Variants in GALNT15 observed in about 807,000 individuals in gnomAD.
GALNT15 encodes the protein polypeptide N-acetylgalactosaminyltransferase 15, also known as UDP-GalNAc transferase T15.
In GALNT15, 67 loss-of-function variants were observed where a neutral mutation model predicts 66.8. The ratio of observed to expected loss-of-function variants is 1.00; its 90% CI spans 0.82 to 1.23. GALNT15 has a LOEUF of 1.23. Ranked by LOEUF, GALNT15 falls within the 50% of genes most tolerant of loss-of-function variation. The pLI is 0.00. For synonymous variants in GALNT15, 313 were observed against 311.5 expected, an observed-to-expected ratio of 1.00 and a Z score of -0.05; for missense variants, 827 against 804.3, an observed-to-expected ratio of 1.03 and a Z score of -0.34.
chr3:16,216,359 C>T (rs1056646418), intron 6 of GALNT15, among the ~76,000 whole-genome samples: 18 of 152,030 alleles, frequency 1.2e-4, no homozygotes, highest in African/African-American at 4.3e-4. Context: ...ATTAGCTGGG[C>T]GTGGTGGTGT....
At chr3:16,206,199 G>A (rs977463944) in intron 3 of GALNT15, among the ~76,000 whole-genome samples, 9 of 151,842 alleles carry the variant, frequency 5.9e-5, no homozygotes, top group South Asian at 4.2e-4. Flanking sequence ...ACAACATGGC[G>A]AAATCCCATT....
At chr3:16,210,309 A>T (rs960731220) in intron 4 of GALNT15, among the ~76,000 whole-genome samples, 1 of 152,240 alleles carries the variant, frequency 6.6e-6, no homozygotes, top group Non-Finnish European at 1.5e-5. Context: ...AATAATCATT[A>T]CAATATCAGT....
rs754493057 is a variant in GALNT15, at chr3:16,208,565, C to G, written c.974C>G (p.Ser325Ter). Residue 325 changes from serine (S) to a stop codon, truncating the protein, a stop_gained, in exon 4 of 10, where the codon TCA (serine) becomes TGA (stop). Coordinates refer to ENST00000339732, the MANE Select transcript of GALNT15 (RefSeq NM_054110.5). LOFTEE classifies it high-confidence loss of function. ...TGGAAGACTTTCCAGTATTACCCCTCAAAGGACCTGCAGCGTGGGGTGTTG... is the reference window on the plus strand; with the variant it reads ...TGGAAGACTTTCCAGTATTACCCCTGAAAGGACCTGCAGCGTGGGGTGTTG... ...IDWKTFQYYP[S>*]KDLQRGVLDW... 8 of 1,614,066 alleles carry G rather than the reference C, an allele frequency of 5.0e-6. No individual in the cohort carries two copies. The Admixed American group carries it at 8.3e-5, about 17-fold the overall frequency.
rs1289615000 is a variant in GALNT15, at chr3:16,188,924, G to C, written c.540-6836G>C. Among the ~76,000 whole-genome samples, 1 of 151,958 alleles carries C rather than the reference G, an allele frequency of 6.6e-6. No homozygotes were observed. The highest frequency in any genetic ancestry group is 1.5e-5 in the Non-Finnish European group (1 of 67,976). On this transcript the variant is annotated intron_variant, in intron 1 of 9. Coordinates refer to ENST00000339732, the MANE Select transcript of GALNT15 (RefSeq NM_054110.5). This position sits in a 1 kb window ranked among gnomAD's most constrained non-coding sequence, Gnocchi z 4.6. ...CCTCATGATGACATGAGGAGCCCAG[G>C]GTTCCCAAACATGGGCGAGTAGGGC...
rs569789472 is a variant in GALNT15, at chr3:16,175,753, G to A, written c.539+63G>A. On this transcript the variant is annotated intron_variant, in intron 1 of 9. Coordinates refer to ENST00000339732, the MANE Select transcript of GALNT15 (RefSeq NM_054110.5). The surrounding 1 kb of genome is among the most constrained non-coding windows in gnomAD (Gnocchi z 5.6). ...GGCATGATCGGGTGGTAGCAAACTC[G>A]GGAATGCAAACTTTCCGTAGCCTGC... 24 of 1,445,094 alleles carry A rather than the reference G, an allele frequency of 1.7e-5. No individual in the cohort carries two copies. In the East Asian group the frequency reaches 3.7e-4, roughly 22 times the overall value. 89.5% of individuals were successfully genotyped at this position (1,445,094 alleles called of 1,614,324 possible).
rs1553686218 is a variant in GALNT15 at position 16,208,563 on chromosome 3, C to G, written c.972C>G (p.Pro324=). ...ACTGGAAGACTTTCCAGTATTACCC[C>G]TCAAAGGACCTGCAGCGTGGGGTGT... is the stretch of plus-strand genomic sequence containing the variant. ...VIDWKTFQYY[P]SKDLQRGVLD... Residue 324 remains proline, a synonymous_variant, in exon 4 of 10, where the codon CCC becomes CCG. Coordinates refer to ENST00000339732, the MANE Select transcript of GALNT15 (RefSeq NM_054110.5). 1.9e-6 allele frequency: 3 copies of G among 1,614,180 alleles called. No homozygotes were observed. The highest frequency in any genetic ancestry group is 2.2e-5 in the East Asian group (1 of 44,888).
At chr3:16,222,558 A>G in intron 8 of GALNT15, 57 bp from the exon 9 acceptor site, 1 of 1,604,858 alleles carries the variant, frequency 6.2e-7, no homozygotes, top group Non-Finnish European at 8.5e-7. Flanking sequence ...TACCTCCTCT[A>G]CAGCTTTGAA....
At position 16,219,887 on chromosome 3, in the gene GALNT15, CCT is replaced by C. The variant is rs1491479758; in HGVS notation, c.1525-22_1525-21del. 1 of 1,584,608 alleles carries C rather than the reference CCT, an allele frequency of 6.3e-7. No homozygotes were observed. Among genetic ancestry groups the C allele is most frequent in the Admixed American group, 1.7e-5 (1 of 60,002 alleles). ...TTTACAGTGGAATCTGGAATTCACT[CCT>C]GTGTGTGTGTCCACTTTCAGCTCCA... is the stretch of plus-strand genomic sequence containing the variant. On this transcript the variant is annotated intron_variant, in intron 7 of 9. Coordinates refer to ENST00000339732, the MANE Select transcript of GALNT15 (RefSeq NM_054110.5). This position sits in a 1 kb window ranked among gnomAD's most constrained non-coding sequence, Gnocchi z 4.3.
chr3:16,237,218 TC>T, the GALNT15 span, among the ~76,000 whole-genome samples: 2 of 152,160 alleles, frequency 1.3e-5, no homozygotes, highest in African/African-American at 2.4e-5. This position sits in a 1 kb window ranked among gnomAD's most constrained non-coding sequence, Gnocchi z 4.2. Flanking sequence ...GAAAGGGACT[TC>T]CAAAAGCAAG....
At position 16,175,783 on chromosome 3, in the gene GALNT15, C is replaced by G; in HGVS notation, c.539+93C>G. 2 of 1,174,516 alleles carry G rather than the reference C, an allele frequency of 1.7e-6. No individual in the cohort carries two copies. The highest frequency in any genetic ancestry group is 2.3e-6 in the Non-Finnish European group (2 of 853,812). The allele number at this position is 1,174,516 out of a possible 1,614,324, so 72.8% of individuals were successfully genotyped here. On this transcript the variant is annotated intron_variant, in intron 1 of 9. Coordinates refer to ENST00000339732, the MANE Select transcript of GALNT15 (RefSeq NM_054110.5). This position sits in a 1 kb window ranked among gnomAD's most constrained non-coding sequence, Gnocchi z 5.6. Reference sequence around the variant, plus strand: ...TGCAAACTTTCCGTAGCCTGCCTCTCCTGACTTAGAGCAAGTGCTTTTCAA... The same window carrying G: ...TGCAAACTTTCCGTAGCCTGCCTCTGCTGACTTAGAGCAAGTGCTTTTCAA...
At chr3:16,232,010 C>T, downstream of GALNT15, 1 of 1,427,742 alleles carries the variant, frequency 7.0e-7, no homozygotes, top group Middle Eastern at 2.6e-4. Flanking sequence ...TCTTTAAAGT[C>T]ATAACTTGCC....
chr3:16,219,346 G>A lies in GALNT15; in HGVS notation c.1393-57G>A. Reference sequence around the variant, plus strand: ...TCCCAGCCACTCCATCCCCAACCATGTGAATTCTGGGCAAGACAAGCTTTC... The same window carrying A: ...TCCCAGCCACTCCATCCCCAACCATATGAATTCTGGGCAAGACAAGCTTTC... On this transcript the variant is annotated intron_variant, in intron 6 of 9. Coordinates refer to ENST00000339732, the MANE Select transcript of GALNT15 (RefSeq NM_054110.5). This position sits in a 1 kb window ranked among gnomAD's most constrained non-coding sequence, Gnocchi z 4.3. 1.3e-6 allele frequency: 2 copies of A among 1,599,596 alleles called. No individual in the cohort carries two copies. Among genetic ancestry groups the A allele is most frequent in the Non-Finnish European group, 1.7e-6 (2 of 1,172,848 alleles).
rs2063542300 is a variant in GALNT15 at position 16,188,628 on chromosome 3, A to G, written c.540-7132A>G. The stretch of plus-strand genomic sequence containing the variant: ...TTGGAGCACTAGGAGGGGATGGTGT[A>G]GATGCAGTTCAGGACCTTTCAAAGA... On this transcript the variant is annotated intron_variant, in intron 1 of 9. Coordinates refer to ENST00000339732, the MANE Select transcript of GALNT15 (RefSeq NM_054110.5). This position sits in a 1 kb window ranked among gnomAD's most constrained non-coding sequence, Gnocchi z 4.6. Among the ~76,000 whole-genome samples the G allele has an allele frequency of 6.6e-6, 1 of 152,188 alleles. No individual in the cohort carries two copies. Among genetic ancestry groups the G allele is most frequent in the Non-Finnish European group, 1.5e-5 (1 of 68,032 alleles).
At chr3:16,217,924 C>A (rs938080841) in intron 6 of GALNT15, among the ~76,000 whole-genome samples, 5 of 152,140 alleles carry the variant, frequency 3.3e-5, no homozygotes, top group Admixed American at 2.0e-4. Context: ...AATAGATCCC[C>A]TTGGTTTCAT....
chr3:16,219,337 C>G lies in GALNT15; in HGVS notation c.1393-66C>G. ...TTAGCTTCTTCCCAGCCACTCCATC[C>G]CCAACCATGTGAATTCTGGGCAAGA... On this transcript the variant is annotated intron_variant, in intron 6 of 9. Transcript: ENST00000339732. The surrounding 1 kb of genome is among the most constrained non-coding windows in gnomAD (Gnocchi z 4.3). The G allele has an allele frequency of 6.3e-7, 1 of 1,591,294 alleles. No individual in the cohort carries two copies. The highest frequency in any genetic ancestry group is 2.2e-5 in the East Asian group (1 of 44,846).
chr3:16,236,104 CAA>C (rs558670542), downstream of GALNT15, among the ~76,000 whole-genome samples: 29 of 23,394 alleles, frequency 1.2e-3, no homozygotes, highest in Non-Finnish European at 1.8e-3. Flanking sequence ...GACTATGTCT[CAA>C]AAAAAAAAAA....
rs531953869 is a variant in GALNT15 at position 16,204,994 on chromosome 3, G to A, written c.912-3509G>A. Among the ~76,000 whole-genome samples, 1 of 152,332 alleles carries A rather than the reference G, an allele frequency of 6.6e-6. No homozygotes were observed. The highest frequency in any genetic ancestry group is 1.5e-5 in the Non-Finnish European group (1 of 68,026). On this transcript the variant is annotated intron_variant, in intron 3 of 9. Coordinates refer to ENST00000339732, the MANE Select transcript of GALNT15 (RefSeq NM_054110.5). This position sits in a 1 kb window ranked among gnomAD's most constrained non-coding sequence, Gnocchi z 4.5. ...GCATGTGCGCGTCAAGGAGCAGCAG[G>A]AGGTCAGGATGCCTCCTGCCCCCCC...
intron 6 of GALNT15, among the ~76,000 whole-genome samples, chr3:16,216,863 C>T (rs756562882): frequency 6.6e-6 from 1 of 152,252 alleles, no homozygotes; most frequent in Non-Finnish European, 1.5e-5. Context: ...ACTTGCCCAA[C>T]TCCTGAGATC....
rs1274990076 is a variant in GALNT15, at chr3:16,219,901, C to G, written c.1525-9C>G. ...TGGAATTCACTCCTGTGTGTGTGTCCACTTTCAGCTCCACAACACTGGACT... is the reference window on the plus strand; with the variant it reads ...TGGAATTCACTCCTGTGTGTGTGTCGACTTTCAGCTCCACAACACTGGACT... On this transcript the variant is annotated splice_polypyrimidine_tract_variant and intron_variant, in intron 7 of 9. Transcript: ENST00000339732. The surrounding 1 kb of genome is among the most constrained non-coding windows in gnomAD (Gnocchi z 4.3). 1 of 1,608,544 alleles carries G rather than the reference C, an allele frequency of 6.2e-7. No individual in the cohort carries two copies. The highest frequency in any genetic ancestry group is 1.3e-5 in the African/African-American group (1 of 74,888).
Sources: gnomAD v4.1 joint callset for allele counts (sites outside exome capture counted in the v4.1 genomes callset) on GRCh38, gnomAD v4.1.1 for gene constraint, Gnocchi (gnomAD v3.1) non-coding constraint, MANE v1.5 for transcripts, NCBI Gene and HGNC (gene_info 2026-07-23, HGNC 2026-07-21) for gene names.